EML6: variants seen among roughly 807,000 people sequenced by gnomAD.
The protein encoded by EML6 is EMAP like 6, also known as echinoderm microtubule-associated protein-like 6.
Under a neutral mutation model 240.1 loss-of-function variants are expected in EML6, and 154 were observed. The observed-to-expected ratio is 0.64, with a 90% CI of 0.56 to 0.73. The LOEUF (loss-of-function observed/expected upper bound fraction) is 0.73. Ranked by LOEUF, EML6 falls within the 30% of genes least tolerant of loss-of-function variation. The pLI is 0.00. For synonymous variants in EML6, 1,148 were observed against 899.0 expected, an observed-to-expected ratio of 1.28 and a Z score of -4.95; for missense variants, 2,964 against 2,474.6, an observed-to-expected ratio of 1.20 and a Z score of -4.20.
At chr2:54,822,411 G>A (rs1371149033) in intron 5 of EML6, among the ~76,000 whole-genome samples, 1 of 152,142 alleles carries the variant, frequency 6.6e-6, no homozygotes, top group Non-Finnish European at 1.5e-5. Context: ...ATTGTTAGAA[G>A]TATGAACCAA....
intron 26 of EML6, among the ~76,000 whole-genome samples, chr2:54,921,305 C>T (rs963714529): frequency 2.0e-5 from 3 of 152,048 alleles, no homozygotes; most frequent in Non-Finnish European, 4.4e-5. Context: ...TTTTTATATA[C>T]TTAGACTATC....
chr2:54,824,679 C>T (rs1176866669), intron 5 of EML6, among the ~76,000 whole-genome samples: 4 of 152,104 alleles, frequency 2.6e-5, no homozygotes, highest in African/African-American at 9.7e-5. Flanking sequence ...AGTTGAGCAT[C>T]GGCTGCTTCA....
intron 28 of EML6, among the ~76,000 whole-genome samples, chr2:54,939,722 C>A (rs1558707169): frequency 6.6e-6 from 1 of 152,202 alleles, no homozygotes; most frequent in Non-Finnish European, 1.5e-5. Flanking sequence ...CAGAGGCTAA[C>A]AACTTTCATA....
At chr2:54,959,047 T>C (rs1676369367) in intron 33 of EML6, 57 bp from the exon 34 acceptor site, 2 of 1,479,120 alleles carry the variant, frequency 1.4e-6, no homozygotes, top group South Asian at 2.7e-5. Flanking sequence ...AACGGGTGGC[T>C]GGGGAGGGAC....
chr2:54,923,164 C>T (rs1198297974), intron 26 of EML6, among the ~76,000 whole-genome samples: 1 of 152,004 alleles, frequency 6.6e-6, no homozygotes, highest in Non-Finnish European at 1.5e-5. Context: ...TGGTCTCGAA[C>T]TCCCAACCTC....
At chr2:54,796,874 G>A (rs190267674) in intron 2 of EML6, among the ~76,000 whole-genome samples, 137 of 152,110 alleles carry the variant, frequency 9.0e-4, no homozygotes, top group Middle Eastern at 3.4e-3. Context: ...CTGTGGCCAG[G>A]TAGTCACAAG....
chr2:54,759,579 A>T (rs1272368932), intron 2 of EML6, among the ~76,000 whole-genome samples: 1 of 152,184 alleles, frequency 6.6e-6, no homozygotes, highest in South Asian at 2.1e-4. Context: ...AAATTCAGAC[A>T]TAAATTAGCA....
At chr2:54,847,178 G>T (rs1037792706) in intron 8 of EML6, among the ~76,000 whole-genome samples, 1 of 152,188 alleles carries the variant, frequency 6.6e-6, no homozygotes, top group Non-Finnish European at 1.5e-5. Flanking sequence ...AAAGTGCTGG[G>T]ATGACAGGCG....
In EML6 at chr2:54,866,751, C is replaced by G; in HGVS notation, c.1933-15C>G. On this transcript the variant is annotated splice_polypyrimidine_tract_variant and intron_variant, in intron 13 of 41. Coordinates refer to ENST00000356458, the MANE Select transcript of EML6 (RefSeq NM_001039753.4). ...TGAAAGGCATCTCACCCAGATGTTT[C>G]TGTTGTACTTTAAGGTTTACAAAGA... The G allele has an allele frequency of 6.7e-7, 1 of 1,490,874 alleles. No individual in the cohort carries two copies. 92.4% of individuals were successfully genotyped at this position (1,490,874 alleles called of 1,614,324 possible).
chr2:54,855,276 G>T (rs553479450), intron 11 of EML6, among the ~76,000 whole-genome samples: 67 of 152,120 alleles, frequency 4.4e-4, no homozygotes, highest in African/African-American at 1.5e-3. Context: ...ATGGCAGAAG[G>T]TGAGGGGGAG....
At chr2:54,832,592 C>T (rs1259792918) in intron 7 of EML6, among the ~76,000 whole-genome samples, 2 of 152,168 alleles carry the variant, frequency 1.3e-5, no homozygotes, top group Non-Finnish European at 2.9e-5. Flanking sequence ...AGCTTTCTGG[C>T]GTAGCTCCCC....
chr2:54,887,320 C>T (rs919561442), intron 17 of EML6, among the ~76,000 whole-genome samples: 1 of 152,166 alleles, frequency 6.6e-6, no homozygotes, highest in Non-Finnish European at 1.5e-5. Flanking sequence ...TCATTCTTCA[C>T]GTTAGCTAGA....
intron 5 of EML6, among the ~76,000 whole-genome samples, chr2:54,825,807 C>G (rs1247064255): frequency 4.6e-5 from 7 of 152,176 alleles, no homozygotes. Context: ...CATCCCAGAA[C>G]TGTTTCCTCT....
chr2:54,966,923 C>A, intron 38 of EML6, 77 bp from the exon 39 acceptor site: 2 of 926,228 alleles, frequency 2.2e-6, no homozygotes, highest in Non-Finnish European at 1.7e-6. Context: ...GGGCAGTGTT[C>A]TGGGAAACTG....
chr2:54,803,912 A>G (rs1670322372), intron 2 of EML6, among the ~76,000 whole-genome samples: 1 of 152,232 alleles, frequency 6.6e-6, no homozygotes, highest in African/African-American at 2.4e-5. Context: ...TGTTTGACAG[A>G]ACATTCTGAG....
chr2:54,860,597 G>C (rs1165189256), intron 12 of EML6, among the ~76,000 whole-genome samples: 2 of 152,140 alleles, frequency 1.3e-5, no homozygotes, highest in Non-Finnish European at 2.9e-5. Context: ...ACTCTGGAAG[G>C]AGTTTGTCCA....
intron 2 of EML6, among the ~76,000 whole-genome samples, chr2:54,802,668 GCTACTACTA>G (rs1160838637): frequency 1.4e-5 from 1 of 69,294 alleles, no homozygotes; most frequent in African/African-American, 6.3e-5. Flanking sequence ...TACTACTACT[GCTACTACTA>G]CTACTACCAA....
At chr2:54,968,836 T>C in intron 41 of EML6, 68 bp downstream of exon 41, 1 of 846,048 alleles carries the variant, frequency 1.2e-6, no homozygotes, top group Non-Finnish European at 1.9e-6. Context: ...ATCTCAGGCA[T>C]CCCGTGGGTC....
rs1474572099 is a variant in EML6, at chr2:54,903,205, G to C, written c.3277+9G>C. The C allele has an allele frequency of 6.4e-7, 1 of 1,550,960 alleles. No individual in the cohort carries two copies. Among genetic ancestry groups the C allele is most frequent in the Non-Finnish European group, 8.7e-7 (1 of 1,146,278 alleles). On this transcript the variant is annotated intron_variant, in intron 23 of 41. Transcript: ENST00000356458. ...TATTAAGTTTTCAAAAGGTGAAGAT[G>C]ACAGCAGATACTTTTTAAAATAGCA...
Sources: allele counts gnomAD v4.1 joint callset (sites outside exome capture counted in the v4.1 genomes callset), GRCh38; gene constraint gnomAD v4.1.1; transcripts MANE v1.5; gene names NCBI Gene and HGNC (gene_info 2026-07-23, HGNC 2026-07-21).